Variants in HIVEP1 observed in about 807,000 individuals in gnomAD.
The protein encoded by HIVEP1 is zinc finger protein 40.
Under a neutral mutation model 180.0 loss-of-function variants are expected in HIVEP1, and 36 were observed. That is an observed-to-expected ratio of 0.20 (90% confidence interval 0.15 to 0.26). The LOEUF is 0.26. HIVEP1 is among the 10% of genes least tolerant of loss of function. The probability of loss-of-function intolerance (pLI) is 1.00; values close to 1 mark genes in which losing one functional copy is unlikely to be tolerated. For missense variants in HIVEP1, 3,143 were observed against 3,268.7 expected, an observed-to-expected ratio of 0.96 and a Z score of 0.94; for synonymous variants, 1,239 against 1,239.0, an observed-to-expected ratio of 1.00 and a Z score of 0.00.
At chr6:12,142,543 C>G (rs1759106458) in intron 7 of HIVEP1, among the ~76,000 whole-genome samples, 1 of 151,970 alleles carries the variant, frequency 6.6e-6, no homozygotes, top group Admixed American at 6.6e-5. Context: ...CAGAGCAGAA[C>G]TGAAGGAGAT....
intron 2 of HIVEP1, among the ~76,000 whole-genome samples, chr6:12,047,777 C>T (rs1561886648): frequency 1.3e-5 from 2 of 152,122 alleles, no homozygotes; most frequent in African/African-American, 2.4e-5. Flanking sequence ...TGGATGCACC[C>T]GGTAGGTAGC....
intron 3 of HIVEP1, among the ~76,000 whole-genome samples, chr6:12,097,498 A>AT (rs1027110161): frequency 7.9e-5 from 12 of 152,182 alleles, no homozygotes; most frequent in East Asian, 7.7e-4. Flanking sequence ...ACAGTAACAG[A>AT]TTTTTTATTT....
chr6:12,167,652 T>TATACATGTATATATAC (rs1760749797), downstream of HIVEP1, among the ~76,000 whole-genome samples: 2 of 19,210 alleles, frequency 1.0e-4, no homozygotes, highest in Admixed American at 1.3e-3. Context: ...TATACATATA[T>TATACATGTATATATAC]ATGTTATATA....
the HIVEP1 span, among the ~76,000 whole-genome samples, chr6:12,177,359 G>A: frequency 6.6e-6 from 1 of 152,104 alleles, no homozygotes; most frequent in African/African-American, 2.4e-5. Context: ...CCATGTTCAT[G>A]GTAGCTACCA....
intron 2 of HIVEP1, among the ~76,000 whole-genome samples, chr6:12,016,245 C>T (rs1767736482): frequency 6.6e-6 from 1 of 152,162 alleles, no homozygotes; most frequent in Non-Finnish European, 1.5e-5. Flanking sequence ...TGTGTGTTTT[C>T]CATCAACCGC....
rs1349001372 is a variant in HIVEP1 at position 12,161,483 on chromosome 6, G to A, written c.6532G>A (p.Glu2178Lys). The A allele has an allele frequency of 6.2e-7, 1 of 1,613,788 alleles. No individual in the cohort carries two copies. The highest frequency in any genetic ancestry group is 2.2e-5 in the East Asian group (1 of 44,884). ...FSYERSGYDLEESDGPDEDDN... is the reference protein window; with the variant it reads ...FSYERSGYDLKESDGPDEDDN... ...TTATGAGCGATCTGGATATGATCTT[G>A]AAGAATCTGATGGCCCAGATGAGGA... is the stretch of plus-strand genomic sequence containing the variant. Residue 2178 changes from glutamate to lysine, a missense_variant, in exon 8 of 9, where the codon GAA (glutamate) becomes AAA (lysine). Physicochemically the swap from Glu to Lys is moderately conservative, Grantham distance 56 (BLOSUM62 1). Around this residue, in one of 12 missense-constraint regions of HIVEP1, gnomAD observed 126 missense variants for 168.5 expected, o/e 0.75. Coordinates refer to ENST00000379388, the MANE Select transcript of HIVEP1 (RefSeq NM_002114.4).
intron 3 of HIVEP1, among the ~76,000 whole-genome samples, chr6:12,090,157 CTGT>C (rs1773377466): frequency 1.3e-5 from 2 of 152,264 alleles, no homozygotes; most frequent in South Asian, 4.1e-4. Flanking sequence ...GAGGTAAATA[CTGT>C]TGAAACACTA....
chr6:12,165,022 T>C, downstream of HIVEP1: 1 of 430,632 alleles, frequency 2.3e-6, no homozygotes, highest in Non-Finnish European at 4.5e-6. Context: ...TTGTGCCTTC[T>C]TTATATCATC....
intron 2 of HIVEP1, among the ~76,000 whole-genome samples, chr6:12,036,203 T>C (rs1476674273): frequency 6.6e-6 from 1 of 152,216 alleles, no homozygotes; most frequent in Non-Finnish European, 1.5e-5. Context: ...AGATATTTGT[T>C]CAAAGAGCTT....
chr6:12,108,527 C>G (rs1323100495), intron 3 of HIVEP1, among the ~76,000 whole-genome samples: 1 of 152,238 alleles, frequency 6.6e-6, no homozygotes, highest in Non-Finnish European at 1.5e-5. Context: ...GTCCCGAGCC[C>G]TGCCCCGCAG....
At chr6:12,052,465 G>A (rs1770604348) in intron 2 of HIVEP1, among the ~76,000 whole-genome samples, 1 of 152,194 alleles carries the variant, frequency 6.6e-6, no homozygotes. Flanking sequence ...TGTGTGTAAA[G>A]TTATTTGGTC....
intron 2 of HIVEP1, among the ~76,000 whole-genome samples, chr6:12,079,845 TGC>T (rs766429576): frequency 6.6e-6 from 1 of 152,162 alleles, no homozygotes; most frequent in Non-Finnish European, 1.5e-5. Context: ...ATGCAAATTG[TGC>T]CTGGTGAAGA....
intron 2 of HIVEP1, among the ~76,000 whole-genome samples, chr6:12,022,752 T>G (rs374071250): frequency 3.0e-4 from 45 of 152,362 alleles, no homozygotes; most frequent in African/African-American, 9.9e-4. Flanking sequence ...AACAGGAATA[T>G]CTACATAAAA....
At chr6:12,137,791 C>T (rs1330198989) in intron 7 of HIVEP1, among the ~76,000 whole-genome samples, 2 of 152,086 alleles carry the variant, frequency 1.3e-5, no homozygotes, top group African/African-American at 4.8e-5. Context: ...ATATAGTAAA[C>T]AGTTGTTGTT....
chr6:12,095,751 TA>T, intron 3 of HIVEP1, among the ~76,000 whole-genome samples: 1 of 152,058 alleles, frequency 6.6e-6, no homozygotes, highest in Middle Eastern at 3.4e-3. Context: ...TGAATAATGT[TA>T]AATAACTTAA....
Position 12,123,433 on chromosome 6 carries a change from G to C in HIVEP1, c.3638G>C (p.Ser1213Thr). 1 of 1,614,204 alleles carries C rather than the reference G, an allele frequency of 6.2e-7. No homozygotes were observed. Residue 1213 changes from serine to threonine, a missense_variant, in exon 4 of 9, where the codon AGT becomes ACT. Ser to Thr is a moderately conservative substitution (Grantham distance 58). Coordinates refer to ENST00000379388, the MANE Select transcript of HIVEP1 (RefSeq NM_002114.4). ...GAACTTCAGGAAAGCTCCAGAAAGA[G>C]TCCAAGTGAACGACATGTGTTAGGA... is the stretch of plus-strand genomic sequence containing the variant. ...RGELQESSRK[S>T]PSERHVLGQP...
At chr6:12,177,721 A>C in the HIVEP1 span, among the ~76,000 whole-genome samples, 1 of 152,114 alleles carries the variant, frequency 6.6e-6, no homozygotes, top group African/African-American at 2.4e-5. Context: ...CTAAACCACA[A>C]TGTGTCTTTC....
chr6:12,182,608 T>G, the HIVEP1 span, among the ~76,000 whole-genome samples: 3 of 152,230 alleles, frequency 2.0e-5, no homozygotes, highest in Non-Finnish European at 4.4e-5. Context: ...TGTGACATAG[T>G]GATTGAGTCT....
intron 2 of HIVEP1, among the ~76,000 whole-genome samples, chr6:12,045,149 G>A (rs542721998): frequency 2.0e-5 from 3 of 152,224 alleles, no homozygotes; most frequent in African/African-American, 4.8e-5. Context: ...CCTAACCCTC[G>A]CCATCTACTG....
Sources: allele counts gnomAD v4.1 joint callset (sites outside exome capture counted in the v4.1 genomes callset), GRCh38; gene constraint gnomAD v4.1.1; regional missense constraint gnomAD v4.1.1; transcripts MANE v1.5; gene names NCBI Gene and HGNC (gene_info 2026-07-23, HGNC 2026-07-21).